AATF: variants seen among roughly 807,000 people sequenced by gnomAD.
AATF encodes apoptosis antagonizing transcription factor.
Under a neutral mutation model 63.7 loss-of-function variants are expected in AATF, and 48 were observed. The ratio of observed to expected loss-of-function variants is 0.75; its 90% confidence interval spans 0.60 to 0.96. The LOEUF (loss-of-function observed/expected upper bound fraction) is 0.96. AATF is among the 40% of genes least tolerant of loss of function. The probability of loss-of-function intolerance (pLI) is 0.00; values close to 1 mark genes in which losing one functional copy is unlikely to be tolerated. For missense variants in AATF, 639 were observed against 685.7 expected (o/e 0.93, Z 0.76); for synonymous variants, 258 against 247.7 (o/e 1.04, Z -0.39).
At chr17:37,031,347 C>CG in intron 10 of AATF, 2 of 502,898 alleles carry the variant, frequency 4.0e-6, no homozygotes, top group Non-Finnish European at 3.6e-6. Flanking sequence ...CATGCAAATA[C>CG]TATGCCATTT....
At chr17:37,044,590 AG>A (rs1338620304) in intron 11 of AATF, among the ~76,000 whole-genome samples, 2 of 152,182 alleles carry the variant, frequency 1.3e-5, no homozygotes, top group Non-Finnish European at 2.9e-5. Context: ...TATATACTAT[AG>A]GTTTTCTGTG....
intron 8 of AATF, among the ~76,000 whole-genome samples, chr17:37,008,236 G>A (rs1324969723): frequency 2.0e-5 from 3 of 152,102 alleles, no homozygotes; most frequent in Non-Finnish European, 2.9e-5. Flanking sequence ...GAATACTTAC[G>A]TTTTGCTGAG....
intron 11 of AATF, among the ~76,000 whole-genome samples, chr17:37,053,026 C>G (rs1423568845): frequency 1.3e-5 from 2 of 152,154 alleles, no homozygotes; most frequent in African/African-American, 2.4e-5. Flanking sequence ...CAAAAAGAAT[C>G]AAGTGGCATT....
In AATF at chr17:37,000,681, A is replaced by G. The variant is rs569346444; in HGVS notation, c.1398+9824A>G. Among the ~76,000 whole-genome samples, 18 of 152,318 alleles carry G rather than the reference A, an allele frequency of 1.2e-4. 1 individual carries two copies. In the South Asian group the frequency reaches 3.7e-3, roughly 32 times the overall value. The stretch of plus-strand genomic sequence containing the variant: ...GAGATTGAATGAGATTACCTAGAAA[A>G]TGAAGGCAGAGAGAAAAAGAGATTC... On this transcript the variant is annotated intron_variant, in intron 8 of 11. Coordinates refer to ENST00000619387, the MANE Select transcript of AATF (RefSeq NM_012138.4).
chr17:36,985,442 ATTTT>A (rs557972342), intron 4 of AATF, among the ~76,000 whole-genome samples: 3 of 132,042 alleles, frequency 2.3e-5, no homozygotes, highest in Admixed American at 1.5e-4. Context: ...GCCTGGCTAA[ATTTT>A]TTTTTTTTTT....
intron 8 of AATF, among the ~76,000 whole-genome samples, chr17:37,009,477 A>G (rs974705294): frequency 3.3e-5 from 5 of 151,694 alleles, no homozygotes; most frequent in African/African-American, 1.2e-4. Context: ...TTTAAATTCA[A>G]GTACTCTTGG....
intron 10 of AATF, 69 bp from the exon 11 acceptor site, chr17:37,031,545 C>A: frequency 2.4e-6 from 3 of 1,268,426 alleles, no homozygotes; most frequent in Non-Finnish European, 3.5e-6. Context: ...TGTTAACTCA[C>A]TGAATGTGTT....
At chr17:37,011,979 G>T (rs1176892129) in intron 8 of AATF, among the ~76,000 whole-genome samples, 1 of 152,096 alleles carries the variant, frequency 6.6e-6, no homozygotes, top group Non-Finnish European at 1.5e-5. Context: ...CCAACTATTT[G>T]AAATTATAGT....
chr17:37,027,891 C>G (rs141316956), intron 10 of AATF, among the ~76,000 whole-genome samples: 151,361 of 152,326 alleles, frequency 0.99, 75,208 homozygotes, highest in Middle Eastern at 1. Context: ...AAAGCCGTCT[C>G]TGGACACAGC....
At chr17:36,963,647 A>C (rs2070967000) in intron 4 of AATF, among the ~76,000 whole-genome samples, 1 of 152,096 alleles carries the variant, frequency 6.6e-6, no homozygotes, top group Admixed American at 6.6e-5. Flanking sequence ...GGAAGACAGT[A>C]CTCCTTTGAC....
intron 5 of AATF, 81 bp from the exon 6 acceptor site, chr17:36,988,438 C>T (rs2071185855): frequency 1.5e-6 from 2 of 1,348,384 alleles, no homozygotes; most frequent in African/African-American, 1.4e-5. Context: ...TAAATATTCT[C>T]AGTCCTTTAT....
At chr17:37,014,585 G>A (rs2071415719) in intron 8 of AATF, among the ~76,000 whole-genome samples, 1 of 152,088 alleles carries the variant, frequency 6.6e-6, no homozygotes, top group Non-Finnish European at 1.5e-5. Flanking sequence ...TAACTGCTTA[G>A]GATCTTCTCT....
intron 11 of AATF, among the ~76,000 whole-genome samples, chr17:37,053,076 A>G (rs1381015795): frequency 1.3e-5 from 2 of 152,198 alleles, no homozygotes; most frequent in Middle Eastern, 3.2e-3. Context: ...GCTTGTTTAT[A>G]TGACAACATT....
intron 8 of AATF, among the ~76,000 whole-genome samples, chr17:37,015,956 G>A (rs1306083851): frequency 6.6e-6 from 1 of 152,198 alleles, no homozygotes; most frequent in Non-Finnish European, 1.5e-5. Flanking sequence ...GGGTGGTAGA[G>A]GTGGTTAGTC....
At chr17:37,035,775 A>G (rs1323773611) in intron 11 of AATF, among the ~76,000 whole-genome samples, 7 of 152,174 alleles carry the variant, frequency 4.6e-5, no homozygotes, top group Admixed American at 4.6e-4. Context: ...TGTGTCTGTT[A>G]ACACAGAAAA....
chr17:37,049,221 T>C (rs2071724162), intron 11 of AATF, among the ~76,000 whole-genome samples: 1 of 152,190 alleles, frequency 6.6e-6, no homozygotes. Flanking sequence ...GATACCATGC[T>C]CTATGCCATA....
At chr17:36,961,553 A>G (rs532490843) in intron 4 of AATF, among the ~76,000 whole-genome samples, 3 of 152,258 alleles carry the variant, frequency 2.0e-5, no homozygotes, top group South Asian at 2.1e-4. Flanking sequence ...GTTCATCTCA[A>G]TTGGGACTAG....
chr17:36,952,305 C>T (rs2070861494), intron 2 of AATF, among the ~76,000 whole-genome samples: 1 of 152,236 alleles, frequency 6.6e-6, no homozygotes, highest in Admixed American at 6.5e-5. Context: ...TAATTATTGG[C>T]ATGCATATCT....
At chr17:36,966,522 CCT>C (rs2070992605) in intron 4 of AATF, among the ~76,000 whole-genome samples, 5 of 152,292 alleles carry the variant, frequency 3.3e-5, no homozygotes, top group Admixed American at 1.3e-4. Context: ...CCCGCCTCAG[CCT>C]CCCAAAATGC....
Sources: allele counts gnomAD v4.1 joint callset (sites outside exome capture counted in the v4.1 genomes callset), GRCh38; gene constraint gnomAD v4.1.1; transcripts MANE v1.5; gene names NCBI Gene and HGNC (gene_info 2026-07-23, HGNC 2026-07-21).